Variants in BMPR1B observed in about 807,000 individuals in gnomAD.
The protein encoded by BMPR1B is bone morphogenetic protein receptor type 1B, also known as bone morphogenetic protein receptor type-1B.
BMPR1B carries 12 observed loss-of-function variants against 59.1 expected under a neutral mutation model. The ratio of observed to expected loss-of-function variants is 0.20; its 90% CI spans 0.13 to 0.33. The LOEUF (loss-of-function observed/expected upper bound fraction) is 0.33, where lower values mean the gene tolerates loss of function less well. Among genes scored for constraint, BMPR1B ranks in the 10% least tolerant of loss-of-function variants. BMPR1B has a pLI of 1.00. For synonymous variants in BMPR1B, 237 were observed against 207.3 expected (o/e 1.14, Z -1.23); for missense variants, 550 against 610.9 (o/e 0.90, Z 1.05).
At chr4:95,121,571 A>C (rs182166256) in intron 6 of BMPR1B, among the ~76,000 whole-genome samples, 345 of 152,370 alleles carry the variant, frequency 2.3e-3, no homozygotes, top group Non-Finnish European at 3.5e-3. Context: ...AAAAATTTGA[A>C]TGCAAATGTA....
chr4:95,152,693 C>G lies in BMPR1B; in HGVS notation c.1303C>G (p.Pro435Ala). 6.3e-7 allele frequency: 1 copy of G among 1,594,390 alleles called. No individual in the cohort carries two copies. Residue 435 changes from proline (P) to alanine (A), a missense_variant, in exon 12 of 13, where the codon CCC (proline) becomes GCC (alanine). Coordinates refer to ENST00000515059, the MANE Select transcript of BMPR1B (RefSeq NM_001203.3). ...LPYHDLVPSD[P>A]SYEDMREIVC... is the part of the protein sequence containing the mutation. Reference sequence around the variant, plus strand: ...TTATCATGACCTAGTGCCCAGTGACCCCTCTTATGAGGACATGAGGGAGAT... The same window carrying G: ...TTATCATGACCTAGTGCCCAGTGACGCCTCTTATGAGGACATGAGGGAGAT...
intron 2 of BMPR1B, among the ~76,000 whole-genome samples, chr4:94,941,608 G>T (rs1022187573): frequency 2.6e-5 from 4 of 152,082 alleles, no homozygotes; most frequent in Non-Finnish European, 5.9e-5. Context: ...AGCAGGTGGT[G>T]TTGGCAACTT....
intron 3 of BMPR1B, among the ~76,000 whole-genome samples, chr4:95,058,829 G>A (rs1178578730): frequency 2.0e-5 from 3 of 151,808 alleles, no homozygotes; most frequent in Non-Finnish European, 2.9e-5. Context: ...ATTTTTTTCA[G>A]ATCTGAAGAA....
At chr4:95,094,810 C>G (rs1199338679) in intron 3 of BMPR1B, among the ~76,000 whole-genome samples, 1 of 152,074 alleles carries the variant, frequency 6.6e-6, no homozygotes. Context: ...CATAGCATGT[C>G]CAGAAATTTA....
At chr4:95,021,176 T>C (rs1723955351) in intron 3 of BMPR1B, among the ~76,000 whole-genome samples, 1 of 152,246 alleles carries the variant, frequency 6.6e-6, no homozygotes, top group Admixed American at 6.5e-5. Context: ...GTCTAAAATA[T>C]AATGGGAAAT....
chr4:94,858,622 A>G (rs1725861689), intron 1 of BMPR1B, among the ~76,000 whole-genome samples: 1 of 152,040 alleles, frequency 6.6e-6, no homozygotes, highest in South Asian at 2.1e-4. Context: ...TCTTGAGTCT[A>G]AGAAGAGTGA....
chr4:95,026,933 A>T (rs1393291667), intron 3 of BMPR1B, among the ~76,000 whole-genome samples: 3 of 151,434 alleles, frequency 2.0e-5, no homozygotes, highest in Non-Finnish European at 2.9e-5. Context: ...TAATTTTTTA[A>T]AAAAAAACTT....
At chr4:95,063,798 A>G (rs58280971) in intron 3 of BMPR1B, among the ~76,000 whole-genome samples, 6,384 of 152,264 alleles carry the variant, frequency 0.042, 459 homozygotes, top group African/African-American at 0.15. Context: ...CATATAAAAA[A>G]TCTTCAAGAA....
At chr4:94,781,209 T>C (rs1208702984) in intron 1 of BMPR1B, among the ~76,000 whole-genome samples, 1 of 152,176 alleles carries the variant, frequency 6.6e-6, no homozygotes, top group Non-Finnish European at 1.5e-5. Flanking sequence ...AAGTGTTCTT[T>C]AGGTTTTCTA....
chr4:94,925,665 A>G (rs1350011335), intron 2 of BMPR1B, among the ~76,000 whole-genome samples: 1 of 152,140 alleles, frequency 6.6e-6, no homozygotes, highest in Non-Finnish European at 1.5e-5. Context: ...ATGTAAAGAA[A>G]AGCACTGAAG....
intron 10 of BMPR1B, among the ~76,000 whole-genome samples, chr4:95,144,367 G>A (rs1319739421): frequency 6.6e-6 from 1 of 151,928 alleles, no homozygotes; most frequent in Non-Finnish European, 1.5e-5. Flanking sequence ...TAGAGACGGG[G>A]TTTTACCATG....
chr4:95,082,894 C>T (rs993415281), intron 3 of BMPR1B, among the ~76,000 whole-genome samples: 11 of 151,518 alleles, frequency 7.3e-5, no homozygotes, highest in African/African-American at 2.4e-4. Context: ...AAAAATTAGC[C>T]GGGTGTGGTG....
At chr4:94,878,538 A>G (rs984972455) in intron 2 of BMPR1B, among the ~76,000 whole-genome samples, 1 of 152,154 alleles carries the variant, frequency 6.6e-6, no homozygotes, top group African/African-American at 2.4e-5. Flanking sequence ...GCTCCTCCTC[A>G]TTGGCTGCTG....
At chr4:94,853,950 A>G (rs1544392) in intron 1 of BMPR1B, among the ~76,000 whole-genome samples, 72,976 of 152,080 alleles carry the variant, frequency 0.48, 18,208 homozygotes, top group African/African-American at 0.62. Flanking sequence ...CAGTCATTCC[A>G]GTGATTTTAC....
chr4:94,760,910 G>A (rs1451144952), intron 1 of BMPR1B, among the ~76,000 whole-genome samples: 1 of 152,140 alleles, frequency 6.6e-6, no homozygotes, highest in Non-Finnish European at 1.5e-5. Context: ...TAGTGTAATA[G>A]CAGATCATAG....
At chr4:94,808,784 C>T (rs1035166364) in intron 1 of BMPR1B, among the ~76,000 whole-genome samples, 5 of 152,142 alleles carry the variant, frequency 3.3e-5, no homozygotes, top group South Asian at 2.1e-4. Context: ...AGGCTGGGCG[C>T]AGTGGCTCAC....
chr4:95,014,153 A>G (rs1482011780), intron 3 of BMPR1B, among the ~76,000 whole-genome samples: 2 of 152,212 alleles, frequency 1.3e-5, no homozygotes, highest in East Asian at 1.9e-4. Context: ...AAATGATTCT[A>G]TAATAGTTGA....
intron 1 of BMPR1B, among the ~76,000 whole-genome samples, chr4:94,848,365 G>T (rs1189739433): frequency 2.0e-5 from 3 of 152,160 alleles, no homozygotes; most frequent in African/African-American, 7.2e-5. Flanking sequence ...ATTAATCACT[G>T]CTTTGACTTT....
intron 1 of BMPR1B, among the ~76,000 whole-genome samples, chr4:94,782,293 A>C (rs916994809): frequency 6.7e-6 from 1 of 150,218 alleles, no homozygotes; most frequent in African/African-American, 2.5e-5. Flanking sequence ...TCAGTTTTGC[A>C]TATCAGTTAT....
Sources: allele counts gnomAD v4.1 joint callset (sites outside exome capture counted in the v4.1 genomes callset), GRCh38; gene constraint gnomAD v4.1.1; transcripts MANE v1.5; gene names NCBI Gene and HGNC (gene_info 2026-07-23, HGNC 2026-07-21).